ZBTB20: variants seen among roughly 807,000 people sequenced by gnomAD.
ZBTB20 encodes the protein zinc finger and BTB domain containing 20, also known as zinc finger and BTB domain-containing protein 20.
In ZBTB20, 9 loss-of-function variants were observed where a neutral mutation model predicts 56.9. The ratio of observed to expected loss-of-function variants is 0.16; its 90% CI spans 0.10 to 0.28. ZBTB20 has a LOEUF of 0.28. Among genes scored for constraint, ZBTB20 ranks in the 10% least tolerant of loss-of-function variants. ZBTB20 has a pLI of 1.00. For synonymous variants in ZBTB20, 417 were observed against 420.7 expected, an observed-to-expected ratio of 0.99 and a Z score of 0.11; for missense variants, 655 against 1,003.0, an observed-to-expected ratio of 0.65 and a Z score of 4.69.
intron 3 of ZBTB20, among the ~76,000 whole-genome samples, chr3:114,969,005 G>A (rs919342091): frequency 2.6e-5 from 4 of 152,034 alleles, no homozygotes; most frequent in African/African-American, 9.7e-5. Context: ...TTTCTCCACC[G>A]TAGACTCAAT....
At chr3:114,942,366 T>A (rs1220190017) in intron 3 of ZBTB20, among the ~76,000 whole-genome samples, 1 of 146,072 alleles carries the variant, frequency 6.8e-6, no homozygotes, top group Non-Finnish European at 1.5e-5. Flanking sequence ...ACAAGGCAAA[T>A]AAACTTTTTG....
chr3:115,118,447 A>G (rs2084083684), intron 1 of ZBTB20, among the ~76,000 whole-genome samples: 1 of 152,168 alleles, frequency 6.6e-6, no homozygotes, highest in Non-Finnish European at 1.5e-5. Flanking sequence ...ATTTCTTCAC[A>G]TAAACTGTTG....
intron 6 of ZBTB20, among the ~76,000 whole-genome samples, chr3:114,672,673 G>T (rs922033459): frequency 6.6e-6 from 1 of 152,032 alleles, no homozygotes; most frequent in Non-Finnish European, 1.5e-5. Context: ...CTGTTGTATT[G>T]GCTTCTCTGT....
At chr3:114,431,147 A>G (rs569483086) in intron 7 of ZBTB20, among the ~76,000 whole-genome samples, 11 of 152,306 alleles carry the variant, frequency 7.2e-5, no homozygotes, top group African/African-American at 2.4e-4. Context: ...GAAAAAGTAC[A>G]GAAGAAGAAG....
intron 5 of ZBTB20, among the ~76,000 whole-genome samples, chr3:114,786,469 G>C (rs2070500386): frequency 6.6e-6 from 1 of 151,802 alleles, no homozygotes; most frequent in Non-Finnish European, 1.5e-5. Flanking sequence ...CCACATAAAA[G>C]TGAAATCACA....
At chr3:114,614,312 T>C (rs1355116654) in intron 6 of ZBTB20, among the ~76,000 whole-genome samples, 2 of 152,214 alleles carry the variant, frequency 1.3e-5, no homozygotes, top group Non-Finnish European at 2.9e-5. Flanking sequence ...ATATCAGAGA[T>C]TTGGCTCTTA....
chr3:114,486,439 A>T (rs926596130), intron 7 of ZBTB20, among the ~76,000 whole-genome samples: 4 of 152,164 alleles, frequency 2.6e-5, no homozygotes, highest in Admixed American at 2.0e-4. Context: ...CAGTGTTAGG[A>T]TTCTTCCTAA....
chr3:114,752,533 A>C (rs954003797), intron 5 of ZBTB20, among the ~76,000 whole-genome samples: 2 of 152,212 alleles, frequency 1.3e-5, no homozygotes, highest in Non-Finnish European at 2.9e-5. Context: ...GGTTTCTCTA[A>C]GTGGTGATTT....
intron 7 of ZBTB20, among the ~76,000 whole-genome samples, chr3:114,447,677 A>G (rs1256742574): frequency 6.6e-6 from 1 of 152,170 alleles, no homozygotes; most frequent in Non-Finnish European, 1.5e-5. Flanking sequence ...AGAGCCCCAC[A>G]AACTAGAGTG....
At chr3:114,655,396 G>A (rs1295037502) in intron 6 of ZBTB20, among the ~76,000 whole-genome samples, 2 of 150,926 alleles carry the variant, frequency 1.3e-5, no homozygotes, top group African/African-American at 2.4e-5. Flanking sequence ...GGGACTACAG[G>A]CGCCCGCCAC....
intron 5 of ZBTB20, among the ~76,000 whole-genome samples, chr3:114,713,450 C>T (rs2108450825): frequency 6.6e-6 from 1 of 152,274 alleles, no homozygotes; most frequent in East Asian, 1.9e-4. Context: ...GCAAGATCTA[C>T]AGAACTATCC....
At chr3:114,386,758 G>C (rs1274515139) in intron 8 of ZBTB20, among the ~76,000 whole-genome samples, 1 of 152,108 alleles carries the variant, frequency 6.6e-6, no homozygotes, top group Non-Finnish European at 1.5e-5. Context: ...AATGGTTCTG[G>C]GGTTTTTTTG....
intron 4 of ZBTB20, among the ~76,000 whole-genome samples, chr3:114,888,156 G>A (rs140009446): frequency 0.017 from 2,551 of 151,946 alleles, 39 homozygotes; most frequent in African/African-American, 0.033. Context: ...AGTGGCTCAC[G>A]CCTGTAAATC....
chr3:114,594,577 C>T (rs2056140991), intron 6 of ZBTB20, among the ~76,000 whole-genome samples: 1 of 152,184 alleles, frequency 6.6e-6, no homozygotes, highest in African/African-American at 2.4e-5. Flanking sequence ...TTATCTCATT[C>T]CTGTTTCTTC....
chr3:114,732,283 C>A (rs563660151), intron 5 of ZBTB20, among the ~76,000 whole-genome samples: 48 of 152,280 alleles, frequency 3.2e-4, no homozygotes, highest in African/African-American at 1.1e-3. Flanking sequence ...CAAATCCTCT[C>A]ATGAGTATAT....
At chr3:114,512,234 A>G (rs1217838790) in intron 6 of ZBTB20, among the ~76,000 whole-genome samples, 1 of 152,168 alleles carries the variant, frequency 6.6e-6, no homozygotes, top group Admixed American at 6.5e-5. Flanking sequence ...TCCTTGTTAA[A>G]TATCAACTCT....
At chr3:115,088,988 G>A (rs905467552) in intron 1 of ZBTB20, among the ~76,000 whole-genome samples, 1 of 151,740 alleles carries the variant, frequency 6.6e-6, no homozygotes, top group Non-Finnish European at 1.5e-5. Context: ...GATTTCCCTA[G>A]AGGATTATGC....
intron 2 of ZBTB20, among the ~76,000 whole-genome samples, chr3:114,978,121 A>G (rs1371078505): frequency 6.6e-6 from 1 of 151,504 alleles, no homozygotes; most frequent in Non-Finnish European, 1.5e-5. Flanking sequence ...CATTGGGTTA[A>G]GAGTCTTTAT....
At chr3:114,926,249 G>C in intron 3 of ZBTB20, among the ~76,000 whole-genome samples, 1 of 140,060 alleles carries the variant, frequency 7.1e-6, no homozygotes, top group South Asian at 2.2e-4. Flanking sequence ...CCTCAGAAAT[G>C]TGAAACTCAC....
Sources: gnomAD v4.1 joint callset for allele counts (sites outside exome capture counted in the v4.1 genomes callset) on GRCh38, gnomAD v4.1.1 for gene constraint, MANE v1.5 for transcripts, NCBI Gene and HGNC (gene_info 2026-07-23, HGNC 2026-07-21) for gene names.